PIGX: variants seen among roughly 807,000 people sequenced by gnomAD.
The protein encoded by PIGX is GPI alpha-1,4-mannosyltransferase I, stabilizing subunit.
Under a neutral mutation model 28.7 loss-of-function variants are expected in PIGX, and 24 were observed. The ratio of observed to expected loss-of-function variants is 0.84; its 90% CI spans 0.60 to 1.17. The LOEUF is 1.17. PIGX is among the 50% of genes most tolerant of loss of function. PIGX has a pLI of 0.00. For synonymous variants in PIGX, 127 were observed against 121.0 expected (o/e 1.05, Z -0.33); for missense variants, 305 against 317.8 (o/e 0.96, Z 0.31).
At chr3:196,732,216 T>TTATATATATATA (rs1175656364) in intron 5 of PIGX, among the ~76,000 whole-genome samples, 22 of 51,336 alleles carry the variant, frequency 4.3e-4, no homozygotes, top group East Asian at 3.2e-3. Context: ...TATATATTAT[T>TTATATATATATA]TATATATATA....
chr3:196,726,853 T>C, intron 3 of PIGX: 1 of 251,524 alleles, frequency 4.0e-6, no homozygotes, highest in Admixed American at 4.9e-5. Context: ...AGTAATGAGC[T>C]TCCTTCCAGT....
At chr3:196,724,425 G>C (rs937237220) in intron 3 of PIGX, among the ~76,000 whole-genome samples, 1 of 152,148 alleles carries the variant, frequency 6.6e-6, no homozygotes, top group African/African-American at 2.4e-5. Flanking sequence ...ATATGGGTTG[G>C]AATCATATTT....
At position 196,728,386 on chromosome 3, in the gene PIGX, C is replaced by G. The variant is rs1001099934; in HGVS notation, c.532+250C>G. Reference sequence around the variant, plus strand: ...GCCATCCCTGTCCTTGACTGCGCTGCCCCAACTGTCATCTCCTTCCCTCTA... The same window carrying G: ...GCCATCCCTGTCCTTGACTGCGCTGGCCCAACTGTCATCTCCTTCCCTCTA... On this transcript the variant is annotated intron_variant, in intron 4 of 5. Coordinates refer to ENST00000392391, the MANE Select transcript of PIGX (RefSeq NM_017861.4). The G allele has an allele frequency of 1.9e-5, 11 of 589,110 alleles. No homozygotes were observed. In the African/African-American group the frequency reaches 2.1e-4, roughly 11 times the overall value. 36.5% of individuals were successfully genotyped at this position (589,110 alleles called of 1,614,324 possible). A position where few individuals can be genotyped will look rare whatever the true frequency, so the allele number is the denominator to read the frequency against.
chr3:196,713,836 C>CAA (rs200901752), intron 1 of PIGX, among the ~76,000 whole-genome samples: 5 of 105,720 alleles, frequency 4.7e-5, no homozygotes, highest in African/African-American at 1.7e-4. Context: ...GACTCTGTCT[C>CAA]AAAAAAAAAA....
At chr3:196,727,792 A>C (rs1210180925) in intron 3 of PIGX, 131 bp from the exon 4 acceptor site, 1 of 522,238 alleles carries the variant, frequency 1.9e-6, no homozygotes. Context: ...ATGGAAGGGG[A>C]ATGGAAATTG....
intron 2 of PIGX, 116 bp downstream of exon 2, chr3:196,717,037 T>C: frequency 1.6e-6 from 1 of 623,648 alleles, no homozygotes; most frequent in Non-Finnish European, 2.9e-6. Context: ...GCGGTGGCTC[T>C]CATCTGTAAT....
rs763463076 is a variant in PIGX at position 196,734,656 on chromosome 3, A to G, written c.*754A>G. On this transcript the variant is annotated 3_prime_UTR_variant, in exon 6 of 6. Transcript: ENST00000392391. ...CATGAGACTATTAAAGATGTGCCAG[A>G]GTTTCAATGAAAATCATTAAAGTAG... 2.1e-4 allele frequency: 32 copies of G among 152,264 alleles called. No homozygotes were observed. The highest frequency in any genetic ancestry group is 4.3e-4 in the Non-Finnish European group (29 of 68,050). 9.4% of individuals were successfully genotyped at this position (152,264 alleles called of 1,614,324 possible). A position where few individuals can be genotyped will look rare whatever the true frequency, so the allele number is the denominator to read the frequency against.
At chr3:196,727,736 T>C (rs896904758) in intron 3 of PIGX, among the ~76,000 whole-genome samples, 187 bp from the exon 4 acceptor site, 2 of 152,194 alleles carry the variant, frequency 1.3e-5, no homozygotes, top group Admixed American at 1.3e-4. Context: ...AAGCAGACTT[T>C]TATTAAGCAT....
intron 3 of PIGX, among the ~76,000 whole-genome samples, chr3:196,725,199 A>G (rs1362286194): frequency 1.3e-5 from 2 of 152,204 alleles, no homozygotes; most frequent in Non-Finnish European, 2.9e-5. Flanking sequence ...TTGTGGGTCA[A>G]AATGGAAACA....
At chr3:196,713,585 G>A (rs1268642599) in intron 1 of PIGX, among the ~76,000 whole-genome samples, 1 of 152,090 alleles carries the variant, frequency 6.6e-6, no homozygotes, top group African/African-American at 2.4e-5. Flanking sequence ...AGGATTACAG[G>A]TGTGAACTAC....
chr3:196,725,341 T>C (rs1259602713), intron 3 of PIGX, among the ~76,000 whole-genome samples: 1 of 152,136 alleles, frequency 6.6e-6, no homozygotes, highest in African/African-American at 2.4e-5. Flanking sequence ...TATGAAATAA[T>C]GAAAAAAGTC....
In PIGX at chr3:196,712,625, C is replaced by A; in HGVS notation, c.93C>A (p.Thr31=). ...CGCGCGGGCCCGCCGCGGCCTTCAC[C>A]GCCGCGCGCTCTGACGCCGGTAAGG... The change falls in exon 1 of 6, where the codon ACC becomes ACA. Residue 31 remains threonine (T), a synonymous_variant. Transcript: ENST00000392391. 1 of 1,189,570 alleles carries A rather than the reference C, an allele frequency of 8.4e-7. No individual in the cohort carries two copies. Among genetic ancestry groups the A allele is most frequent in the South Asian group, 4.2e-5 (1 of 23,932 alleles). The allele number at this position is 1,189,570 out of a possible 1,614,324, so 73.7% of individuals were successfully genotyped here.
intron 3 of PIGX, among the ~76,000 whole-genome samples, chr3:196,723,488 A>G (rs1313757846): frequency 3.9e-5 from 6 of 152,172 alleles, no homozygotes; most frequent in African/African-American, 7.2e-5. Flanking sequence ...GTAGTTAGAA[A>G]AGTTTCCCCA....
chr3:196,724,658 AG>A (rs1325161518), intron 3 of PIGX, among the ~76,000 whole-genome samples: 1 of 152,178 alleles, frequency 6.6e-6, no homozygotes, highest in African/African-American at 2.4e-5. Flanking sequence ...CATAATTATA[AG>A]CCTTGTAAGT....
intron 4 of PIGX, among the ~76,000 whole-genome samples, chr3:196,730,231 T>C (rs1712694886): frequency 6.6e-6 from 1 of 152,152 alleles, no homozygotes; most frequent in Non-Finnish European, 1.5e-5. Context: ...CTATTAAAGG[T>C]ACCTCTTAGC....
Position 196,735,952 on chromosome 3 carries a change from C to T in PIGX, c.*2050C>T, listed in dbSNP as rs1260915923. 1 of 152,092 alleles carries T rather than the reference C, an allele frequency of 6.6e-6. No homozygotes were observed. The highest frequency in any genetic ancestry group is 1.5e-5 in the Non-Finnish European group (1 of 68,020). The allele number at this position is 152,092 out of a possible 1,614,324, so 9.4% of individuals were successfully genotyped here. A position where few individuals can be genotyped will look rare whatever the true frequency, so the allele number is the denominator to read the frequency against. On this transcript the variant is annotated 3_prime_UTR_variant, in exon 6 of 6. Transcript: ENST00000392391. ...ATTGTGGCTTGGAATGTGGTTCAGC[C>T]ATTTACTCACTTATACAAATATTCA...
chr3:196,714,433 C>T (rs1711999066), intron 1 of PIGX, among the ~76,000 whole-genome samples: 1 of 151,096 alleles, frequency 6.6e-6, no homozygotes, highest in African/African-American at 2.4e-5. Flanking sequence ...CACTGCATTC[C>T]AGCTTGTGTG....
At chr3:196,723,887 T>C (rs1712419705) in intron 3 of PIGX, among the ~76,000 whole-genome samples, 1 of 152,088 alleles carries the variant, frequency 6.6e-6, no homozygotes, top group Non-Finnish European at 1.5e-5. Context: ...TGAGTAGATA[T>C]AAAAAGGTAT....
rs1712948916 is a variant in PIGX at position 196,734,988 on chromosome 3, T to C, written c.*1086T>C. On this transcript the variant is annotated 3_prime_UTR_variant, in exon 6 of 6. Transcript: ENST00000392391. ...AAATTAGAAAATAAAGTAAGTGCCA[T>C]AGGCTAATTAAAAAATAAAACCTTG... 1 of 152,030 alleles carries C rather than the reference T, an allele frequency of 6.6e-6. No homozygotes were observed. The highest frequency in any genetic ancestry group is 1.9e-4 in the East Asian group (1 of 5,184). 9.4% of individuals were successfully genotyped at this position (152,030 alleles called of 1,614,324 possible). A position where few individuals can be genotyped will look rare whatever the true frequency, so the allele number is the denominator to read the frequency against.
Sources: gnomAD v4.1 joint callset for allele counts (sites outside exome capture counted in the v4.1 genomes callset) on GRCh38, gnomAD v4.1.1 for gene constraint, MANE v1.5 for transcripts, NCBI Gene and HGNC (gene_info 2026-07-23, HGNC 2026-07-21) for gene names.